Variants in RBFOX1 observed in about 807,000 individuals in gnomAD.
The protein encoded by RBFOX1 is RNA binding protein fox-1 homolog 1.
A neutral mutation model predicts 57.7 loss-of-function variants in RBFOX1; 8 were observed. The observed-to-expected ratio is 0.14, with a 90% CI of 0.08 to 0.25. The LOEUF is 0.25. Ranked by LOEUF, RBFOX1 falls within the 10% of genes least tolerant of loss-of-function variation. The pLI is 1.00. For synonymous variants in RBFOX1, 326 were observed against 222.4 expected (o/e 1.47, Z -4.15); for missense variants, 611 against 548.5 (o/e 1.11, Z -1.14).
intron 3 of RBFOX1, among the ~76,000 whole-genome samples, chr16:6,987,492 C>CAT (rs1176045663): frequency 5.6e-4 from 80 of 142,034 alleles, no homozygotes; most frequent in Non-Finnish European, 2.1e-4. Flanking sequence ...CACACACACA[C>CAT]ACACACACAC....
intron 3 of RBFOX1, among the ~76,000 whole-genome samples, chr16:6,933,807 C>T (rs772989654): frequency 1.3e-5 from 2 of 152,108 alleles, no homozygotes; most frequent in South Asian, 4.2e-4. Context: ...TTTCTATATC[C>T]AAAATTTTCA....
intron 1 of RBFOX1, among the ~76,000 whole-genome samples, chr16:6,315,134 C>T (rs912935507): frequency 5.9e-5 from 9 of 152,242 alleles, no homozygotes; most frequent in African/African-American, 2.2e-4. Context: ...TTAATATTCA[C>T]CTGAATTCCT....
rs551671491 is a variant in RBFOX1, at chr16:5,835,329, A to T, written c.319-31974A>T. The stretch of plus-strand genomic sequence containing the variant: ...GGAGGAAAGGGCAGGGCACGTAGAC[A>T]ACTAAGCACAGCATTGCAGAGCCTG... On this transcript the variant is annotated intron_variant, in intron 3 of 19. Coordinates refer to the RBFOX1 transcript ENST00000641259. Among the ~76,000 whole-genome samples the T allele has an allele frequency of 2.0e-5, 3 of 152,274 alleles. No homozygotes were observed. In the South Asian group the frequency reaches 6.2e-4, roughly 32 times the overall value.
At position 7,001,602 on chromosome 16, in the gene RBFOX1, A is replaced by G. The variant is rs559502786; in HGVS notation, c.-15-50455A>G. On this transcript the variant is annotated intron_variant, in intron 3 of 15. Transcript: ENST00000550418. ...CTCCCGAGTAGCTGGGATTACAGGC[A>G]CGTGCCATCACACCCTGCTAATTTT... 5.9e-5 allele frequency among the ~76,000 whole-genome samples: 9 copies of G among 152,132 alleles called. No homozygotes were observed. In the East Asian group the frequency reaches 1.8e-3, roughly 30 times the overall value.
chr16:5,817,839 C>A (rs778068354), intron 3 of RBFOX1, among the ~76,000 whole-genome samples: 1 of 151,942 alleles, frequency 6.6e-6, no homozygotes, highest in Non-Finnish European at 1.5e-5. Flanking sequence ...TACAGGCACC[C>A]ACCACCATGC....
At chr16:6,573,799 C>G (rs1269247612) in intron 2 of RBFOX1, 1 of 152,216 alleles carries the variant, frequency 6.6e-6, no homozygotes, top group Admixed American at 6.5e-5. Context: ...TCACAGCAGG[C>G]TCTCTCTGAG....
intron 2 of RBFOX1, among the ~76,000 whole-genome samples, chr16:6,550,219 C>A (rs2096965218): frequency 6.6e-6 from 1 of 152,070 alleles, no homozygotes; most frequent in African/African-American, 2.4e-5. Context: ...ACTCTGTCGC[C>A]CAGACTGGAG....
intron 2 of RBFOX1, among the ~76,000 whole-genome samples, chr16:5,597,243 C>G (rs1025454976): frequency 2.8e-4 from 37 of 132,326 alleles, no homozygotes; most frequent in African/African-American, 1.0e-3. Flanking sequence ...TCCCACCCCC[C>G]TCCCGCTTTC....
chr16:6,388,628 A>C (rs930931292), intron 2 of RBFOX1, among the ~76,000 whole-genome samples: 1 of 152,192 alleles, frequency 6.6e-6, no homozygotes, highest in Non-Finnish European at 1.5e-5. Flanking sequence ...TAACCTCAGC[A>C]CTTTGGTAGG....
At position 5,491,638 on chromosome 16, in the gene RBFOX1, A is replaced by C. The variant is rs537390083; in HGVS notation, c.258+24384A>C. Among the ~76,000 whole-genome samples, 89 of 152,326 alleles carry C rather than the reference A, an allele frequency of 5.8e-4. 1 individual carries two copies. In the South Asian group the frequency reaches 0.017, roughly 28 times the overall value. On this transcript the variant is annotated intron_variant, in intron 2 of 2. Transcript: ENST00000585867. ...CCTCAGTGATTTTTACGTAGTGTTC[A>C]TGTGCCTTTCAAACGTGCACCAGGA...
Position 5,615,025 on chromosome 16 carries a change from A to G in RBFOX1, c.318+16064A>G, listed in dbSNP as rs557275429. On this transcript the variant is annotated intron_variant, in intron 3 of 19. Coordinates refer to the RBFOX1 transcript ENST00000641259. ...TGATGATGGGCAACAGAAAGTGTGTAGCATTCAGCTCAGTTTTGTTTGTTT... is the reference window on the plus strand; with the variant it reads ...TGATGATGGGCAACAGAAAGTGTGTGGCATTCAGCTCAGTTTTGTTTGTTT... 4.6e-5 allele frequency among the ~76,000 whole-genome samples: 7 copies of G among 152,292 alleles called. No individual in the cohort carries two copies. In the South Asian group the frequency reaches 6.2e-4, roughly 14 times the overall value.
intron 4 of RBFOX1, among the ~76,000 whole-genome samples, chr16:7,134,777 A>T (rs893119791): frequency 1.3e-5 from 2 of 152,214 alleles, no homozygotes; most frequent in Non-Finnish European, 2.9e-5. Context: ...CGAATTTGCA[A>T]ACAGGCTTCT....
intron 2 of RBFOX1, among the ~76,000 whole-genome samples, chr16:6,605,292 C>T (rs538526714): frequency 6.6e-6 from 1 of 152,120 alleles, no homozygotes; most frequent in African/African-American, 2.4e-5. Context: ...AAAAAATAGG[C>T]CAAATAGCAT....
chr16:7,259,016 C>A (rs147985528), intron 4 of RBFOX1, among the ~76,000 whole-genome samples: 18 of 152,278 alleles, frequency 1.2e-4, no homozygotes, highest in African/African-American at 2.9e-4. Context: ...TCTTGCCCCT[C>A]TTCAAACTAG....
chr16:5,433,136 G>A (rs1049102537), intron 1 of RBFOX1, among the ~76,000 whole-genome samples: 3 of 152,162 alleles, frequency 2.0e-5, no homozygotes, highest in African/African-American at 4.8e-5. Context: ...CTGTTTCTCA[G>A]CTTCCCAAAG....
intron 3 of RBFOX1, among the ~76,000 whole-genome samples, chr16:5,811,260 A>G (rs2055420738): frequency 6.9e-6 from 1 of 145,412 alleles, no homozygotes; most frequent in African/African-American, 2.6e-5. Context: ...CAGCCTCCCA[A>G]GTAGCTGGGA....
Position 7,056,051 on chromosome 16 carries a change from T to G in RBFOX1, c.27+3953T>G, listed in dbSNP as rs12596626. On this transcript the variant is annotated intron_variant, in intron 4 of 15. Transcript: ENST00000550418. ...TCTTTGTATTTTGCCTTGTGTAATT[T>G]GGACTGCACTGGATATAGTCTTTGG... is the stretch of plus-strand genomic sequence containing the variant. 3.2e-3 allele frequency among the ~76,000 whole-genome samples: 480 copies of G among 152,284 alleles called. 4 individuals are homozygous for G. The highest frequency in any genetic ancestry group is 0.024 in the East Asian group (124 of 5,172).
intron 4 of RBFOX1, among the ~76,000 whole-genome samples, chr16:7,315,062 A>T (rs772135370): frequency 2.7e-5 from 4 of 149,408 alleles, no homozygotes; most frequent in African/African-American, 9.9e-5. Context: ...CCCTCAATCA[A>T]TCTTTCAAGA....
Position 5,774,630 on chromosome 16 carries a change from A to C in RBFOX1, c.319-92673A>C, listed in dbSNP as rs2054087352. On this transcript the variant is annotated intron_variant, in intron 3 of 19. Transcript: ENST00000641259. ...AACATTTACATGGTGTCTACTGTGT[A>C]ACAGGGCTTTGGGATACCAGCAGCA... is the stretch of plus-strand genomic sequence containing the variant. Among the ~76,000 whole-genome samples the C allele has an allele frequency of 1.3e-5, 2 of 152,220 alleles. 1 individual carries two copies. Among genetic ancestry groups the C allele is most frequent in the South Asian group, 4.1e-4 (2 of 4,828 alleles).
Sources: gnomAD v4.1 joint callset for allele counts (sites outside exome capture counted in the v4.1 genomes callset) on GRCh38, gnomAD v4.1.1 for gene constraint, MANE v1.5 for transcripts, NCBI Gene and HGNC (gene_info 2026-07-23, HGNC 2026-07-21) for gene names.